The following MGAT4C variants were observed in gnomAD, a reference collection of about 807,000 sequenced individuals.
The protein encoded by MGAT4C is MGAT4 family member C.
A neutral mutation model predicts 40.1 loss-of-function variants in MGAT4C; 19 were observed. The observed-to-expected ratio is 0.47, with a 90% CI of 0.33 to 0.70. The LOEUF (loss-of-function observed/expected upper bound fraction) is 0.70, where lower values mean the gene tolerates loss of function less well. MGAT4C is among the 30% of genes least tolerant of loss of function. The pLI, the probability that MGAT4C is intolerant of heterozygous loss-of-function variation, is 0.02. For missense variants in MGAT4C, 491 were observed against 563.2 expected (o/e 0.87, Z 1.30); for synonymous variants, 181 against 187.1 (o/e 0.97, Z 0.27).
chr12:86,610,956 C>G (rs1962234815), intron 2 of MGAT4C, among the ~76,000 whole-genome samples: 1 of 151,826 alleles, frequency 6.6e-6, no homozygotes, highest in Non-Finnish European at 1.5e-5. Context: ...CAGAGATTCC[C>G]CATTAGAGGA....
At chr12:86,342,719 G>A (rs538653298) in intron 3 of MGAT4C, among the ~76,000 whole-genome samples, 241 of 152,180 alleles carry the variant, frequency 1.6e-3, no homozygotes, top group South Asian at 4.8e-3. Flanking sequence ...GATTACAGGC[G>A]TGAGCCACTG....
intron 1 of MGAT4C, among the ~76,000 whole-genome samples, chr12:86,214,635 C>T (rs1950599434): frequency 6.6e-6 from 1 of 152,132 alleles, no homozygotes; most frequent in Admixed American, 6.5e-5. Context: ...AAAGAGAGAT[C>T]CTTTCTATTC....
intron 1 of MGAT4C, among the ~76,000 whole-genome samples, chr12:86,110,615 C>G (rs1297345360): frequency 1.3e-5 from 2 of 150,974 alleles, no homozygotes; most frequent in Non-Finnish European, 3.0e-5. Context: ...AAAATAATTC[C>G]TAAGCCTTAT....
At chr12:86,203,054 G>GTGTGTA (rs1950108727) in intron 1 of MGAT4C, among the ~76,000 whole-genome samples, 1 of 131,870 alleles carries the variant, frequency 7.6e-6, no homozygotes, top group African/African-American at 2.8e-5. Flanking sequence ...GTGTGTGTGT[G>GTGTGTA]TTTTTACATA....
chr12:86,490,287 G>T (rs767156631), intron 2 of MGAT4C, among the ~76,000 whole-genome samples: 129 of 152,186 alleles, frequency 8.5e-4, no homozygotes, highest in Non-Finnish European at 1.7e-3. Context: ...TTAAAGAAAA[G>T]AATTTTCAAC....
intron 2 of MGAT4C, among the ~76,000 whole-genome samples, chr12:86,547,698 G>A (rs771903782): frequency 1.4e-4 from 22 of 152,080 alleles, no homozygotes; most frequent in Non-Finnish European, 2.4e-4. Flanking sequence ...CTGAATATAC[G>A]ATGCAGTCAG....
chr12:86,390,844 G>C (rs921536325), intron 3 of MGAT4C, among the ~76,000 whole-genome samples: 1 of 152,022 alleles, frequency 6.6e-6, no homozygotes, highest in Admixed American at 6.6e-5. Context: ...AGAAACTGAG[G>C]CTCAAGATTA....
intron 1 of MGAT4C, among the ~76,000 whole-genome samples, chr12:86,157,284 C>T (rs839126): frequency 0.89 from 134,976 of 152,150 alleles, 60,112 homozygotes; most frequent in East Asian, 1. Flanking sequence ...AAATGCATAA[C>T]GACCATCGGT....
intron 1 of MGAT4C, among the ~76,000 whole-genome samples, chr12:86,120,895 C>T (rs978924938): frequency 3.0e-4 from 46 of 152,308 alleles, no homozygotes; most frequent in African/African-American, 1.1e-3. Context: ...CAGAGAATGA[C>T]TTTGACGAGT....
intron 2 of MGAT4C, among the ~76,000 whole-genome samples, chr12:86,031,504 A>C (rs1464089574): frequency 1.3e-5 from 2 of 151,866 alleles, no homozygotes; most frequent in Non-Finnish European, 2.9e-5. Flanking sequence ...ATATGTATGA[A>C]TATATTAACA....
intron 2 of MGAT4C, among the ~76,000 whole-genome samples, chr12:86,611,564 C>T (rs1034466165): frequency 5.9e-5 from 9 of 152,092 alleles, no homozygotes; most frequent in African/African-American, 2.2e-4. Flanking sequence ...CTGAACAACT[C>T]CTCTGCACGT....
At chr12:86,533,925 C>A (rs1319283808) in intron 2 of MGAT4C, among the ~76,000 whole-genome samples, 1 of 151,906 alleles carries the variant, frequency 6.6e-6, no homozygotes, top group Non-Finnish European at 1.5e-5. Context: ...AAAGCAGACT[C>A]TTTGTAGCAA....
intron 3 of MGAT4C, among the ~76,000 whole-genome samples, chr12:86,393,336 T>TA (rs992575339): frequency 2.0e-5 from 3 of 151,882 alleles, no homozygotes; most frequent in East Asian, 1.9e-4. Context: ...CCACATGATG[T>TA]AAAAAAAAGA....
At chr12:86,674,424 A>T (rs1022863447) in intron 2 of MGAT4C, among the ~76,000 whole-genome samples, 47 of 152,108 alleles carry the variant, frequency 3.1e-4, no homozygotes, top group African/African-American at 9.4e-4. Context: ...TTTTTCAGGG[A>T]TCATATCACG....
intron 2 of MGAT4C, among the ~76,000 whole-genome samples, chr12:86,029,622 ATTAAT>A (rs1890558627): frequency 6.6e-6 from 1 of 151,924 alleles, no homozygotes; most frequent in African/African-American, 2.4e-5. Context: ...ACCATTATAA[ATTAAT>A]TTATTATTTT....
At chr12:86,670,119 T>C (rs1964216046) in intron 2 of MGAT4C, among the ~76,000 whole-genome samples, 2 of 151,756 alleles carry the variant, frequency 1.3e-5, no homozygotes, top group Admixed American at 1.3e-4. Flanking sequence ...CAAATGAGAA[T>C]GAACCAACAC....
upstream of MGAT4C, among the ~76,000 whole-genome samples, chr12:86,260,763 T>G (rs1952641643): frequency 6.6e-6 from 1 of 152,172 alleles, no homozygotes; most frequent in African/African-American, 2.4e-5. Context: ...TTGTGATCTT[T>G]CTCAAAGGCT....
chr12:86,013,804 C>A (rs1286553878), intron 2 of MGAT4C: 1 of 879,126 alleles, frequency 1.1e-6, no homozygotes. Context: ...ACTCTTTTCT[C>A]TCCTACTCCC....
At chr12:86,786,877 T>C (rs1009471386) in intron 1 of MGAT4C, among the ~76,000 whole-genome samples, 8 of 152,164 alleles carry the variant, frequency 5.3e-5, no homozygotes, top group Non-Finnish European at 8.8e-5. Context: ...TATAATACTT[T>C]CCACAACTTT....
Sources: gnomAD v4.1 joint callset for allele counts (sites outside exome capture counted in the v4.1 genomes callset) on GRCh38, gnomAD v4.1.1 for gene constraint, MANE v1.5 for transcripts, NCBI Gene and HGNC (gene_info 2026-07-23, HGNC 2026-07-21) for gene names.